KIF16B: variants seen among roughly 807,000 people sequenced by gnomAD.
KIF16B encodes the protein kinesin-like protein KIF16B.
In KIF16B, 98 loss-of-function variants were observed where a neutral mutation model predicts 156.3. That is an observed-to-expected ratio of 0.63 (90% CI 0.53 to 0.74). The LOEUF (loss-of-function observed/expected upper bound fraction) is 0.74. KIF16B is among the 30% of genes least tolerant of loss of function. The pLI, the probability that KIF16B is intolerant of heterozygous loss-of-function variation, is 0.00. For missense variants in KIF16B, 1,421 were observed against 1,606.5 expected (o/e 0.88, Z 1.97); for synonymous variants, 564 against 583.7 (o/e 0.97, Z 0.49).
At chr20:16,330,587 T>C (rs1163819953) in intron 24 of KIF16B, among the ~76,000 whole-genome samples, 2 of 152,218 alleles carry the variant, frequency 1.3e-5, no homozygotes, top group African/African-American at 4.8e-5. Flanking sequence ...ACAGCAATAA[T>C]TGGGAAACTA....
intron 25 of KIF16B, among the ~76,000 whole-genome samples, chr20:16,301,395 T>C (rs1386820056): frequency 6.6e-6 from 1 of 152,198 alleles, no homozygotes; most frequent in African/African-American, 2.4e-5. Context: ...ATGTTTAATT[T>C]TGTAAGAAAT....
At chr20:16,561,303 T>G (rs769287798) in intron 1 of KIF16B, among the ~76,000 whole-genome samples, 1 of 151,988 alleles carries the variant, frequency 6.6e-6, no homozygotes, top group Non-Finnish European at 1.5e-5. Context: ...CAAAAAAAAG[T>G]AGTAGAGAGT....
At chr20:16,515,002 G>A (rs2069098751) in intron 4 of KIF16B, among the ~76,000 whole-genome samples, 1 of 151,100 alleles carries the variant, frequency 6.6e-6, no homozygotes, top group Admixed American at 6.6e-5. Context: ...TCTGTATTTT[G>A]GGGCAAGTAT....
chr20:16,457,923 C>T (rs1797788990), intron 12 of KIF16B, among the ~76,000 whole-genome samples: 1 of 151,854 alleles, frequency 6.6e-6, no homozygotes, highest in Non-Finnish European at 1.5e-5. Flanking sequence ...AACAAAACTA[C>T]AACTTGCATT....
intron 12 of KIF16B, among the ~76,000 whole-genome samples, chr20:16,430,955 AAACAAAC>A (rs1180906696): frequency 8.8e-5 from 13 of 147,336 alleles, no homozygotes; most frequent in African/African-American, 3.5e-4. Context: ...ACAAAAAACA[AAACAAAC>A]AAAAAAAACC....
At chr20:16,273,739 GA>G (rs1210038475) in intron 25 of KIF16B, among the ~76,000 whole-genome samples, 1 of 151,938 alleles carries the variant, frequency 6.6e-6, no homozygotes, top group African/African-American at 2.4e-5. Flanking sequence ...GTCAAGAAGA[GA>G]AAAAATTTCC....
At chr20:16,431,359 C>T (rs1303148523) in intron 12 of KIF16B, among the ~76,000 whole-genome samples, 2 of 152,190 alleles carry the variant, frequency 1.3e-5, no homozygotes, top group African/African-American at 4.8e-5. Flanking sequence ...CCAAATTCTA[C>T]CTGATCTCAT....
At chr20:16,557,175 A>T (rs1379756536) in intron 1 of KIF16B, among the ~76,000 whole-genome samples, 1 of 150,628 alleles carries the variant, frequency 6.6e-6, no homozygotes, top group Non-Finnish European at 1.5e-5. Flanking sequence ...ACACACACAT[A>T]CTAATACTAT....
chr20:16,538,706 AT>A (rs2070075355), intron 1 of KIF16B, among the ~76,000 whole-genome samples: 1 of 152,220 alleles, frequency 6.6e-6, no homozygotes, highest in Admixed American at 6.5e-5. Context: ...TTTTAAAAAA[AT>A]CCTATTGACA....
At chr20:16,551,262 C>G (rs1173362985) in intron 1 of KIF16B, among the ~76,000 whole-genome samples, 1 of 151,924 alleles carries the variant, frequency 6.6e-6, no homozygotes, top group African/African-American at 2.4e-5. Flanking sequence ...TCCTAAGTAG[C>G]GGAGATTACA....
Position 16,379,291 on chromosome 20 carries a change from T to C in KIF16B, c.2711A>G (p.Tyr904Cys). Residue 904 changes from tyrosine to cysteine, a missense_variant, in exon 19 of 26, where the codon TAT becomes TGT. Transcript: ENST00000354981. Reference sequence around the variant, plus strand: ...GAGGTACTGTAGCTGGCGTTCTTTATATTGCAGCCTGTACTCCACTGGCTT... The same window carrying C: ...GAGGTACTGTAGCTGGCGTTCTTTACATTGCAGCCTGTACTCCACTGGCTT... ...KIKPVEYRLQ[Y>C]KERQLQYLLQ... 6.2e-7 allele frequency: 1 copy of C among 1,613,536 alleles called. No homozygotes were observed. The highest frequency in any genetic ancestry group is 8.5e-7 in the Non-Finnish European group (1 of 1,179,916).
chr20:16,328,720 G>A (rs1053621781), intron 24 of KIF16B, among the ~76,000 whole-genome samples: 4 of 152,126 alleles, frequency 2.6e-5, no homozygotes, highest in African/African-American at 9.7e-5. Flanking sequence ...CACAGTTCTG[G>A]AGGCTGTGAA....
At chr20:16,561,101 C>G (rs976074298) in intron 1 of KIF16B, among the ~76,000 whole-genome samples, 2 of 151,952 alleles carry the variant, frequency 1.3e-5, no homozygotes, top group African/African-American at 4.8e-5. Context: ...ACCAGCCTAG[C>G]CAACATGGTG....
chr20:16,388,671 A>T (rs2065284156), intron 17 of KIF16B, among the ~76,000 whole-genome samples: 1 of 152,128 alleles, frequency 6.6e-6, no homozygotes, highest in African/African-American at 2.4e-5. Flanking sequence ...TTACATTAAA[A>T]GAGATCTACC....
At chr20:16,537,584 A>T (rs1166054409) in intron 1 of KIF16B, among the ~76,000 whole-genome samples, 1 of 151,556 alleles carries the variant, frequency 6.6e-6, no homozygotes, top group Non-Finnish European at 1.5e-5. Context: ...TACCACACTC[A>T]TCCTCTTCCC....
chr20:16,495,834 G>A (rs1228139180), intron 11 of KIF16B, among the ~76,000 whole-genome samples: 1 of 152,016 alleles, frequency 6.6e-6, no homozygotes, highest in Non-Finnish European at 1.5e-5. Flanking sequence ...GGGACTACAG[G>A]TGCACACCAC....
At chr20:16,512,236 C>T (rs746324027) in intron 5 of KIF16B, among the ~76,000 whole-genome samples, 94 of 152,164 alleles carry the variant, frequency 6.2e-4, no homozygotes, top group Middle Eastern at 3.4e-3. Context: ...CTCCACAATA[C>T]CCAGAGATAG....
intron 12 of KIF16B, among the ~76,000 whole-genome samples, chr20:16,471,286 C>T (rs941432364): frequency 3.3e-5 from 5 of 152,150 alleles, no homozygotes; most frequent in African/African-American, 1.2e-4. Context: ...ATTTGGGAAG[C>T]ATAAAATATG....
chr20:16,548,988 G>T (rs942692193), intron 1 of KIF16B, among the ~76,000 whole-genome samples: 12 of 148,952 alleles, frequency 8.1e-5, no homozygotes, highest in African/African-American at 2.7e-4. Flanking sequence ...TAAAGGAAAA[G>T]AATTTTAAAA....
Sources: allele counts gnomAD v4.1 joint callset (sites outside exome capture counted in the v4.1 genomes callset), GRCh38; gene constraint gnomAD v4.1.1; transcripts MANE v1.5; gene names NCBI Gene and HGNC (gene_info 2026-07-23, HGNC 2026-07-21).